Variants in CEPT1 observed in about 807,000 individuals in gnomAD.
The protein encoded by CEPT1 is choline/ethanolaminephosphotransferase 1.
Under a neutral mutation model 42.6 loss-of-function variants are expected in CEPT1, and 7 were observed. The observed-to-expected ratio is 0.16, with a 90% CI of 0.09 to 0.31. The LOEUF (loss-of-function observed/expected upper bound fraction) is 0.31. Ranked by LOEUF, CEPT1 falls within the 10% of genes least tolerant of loss-of-function variation. The pLI, the probability that CEPT1 is intolerant of heterozygous loss-of-function variation, is 1.00. For synonymous variants in CEPT1, 171 were observed against 171.9 expected (o/e 0.99, Z 0.04); for missense variants, 306 against 502.1 (o/e 0.61, Z 3.73).
intron 3 of CEPT1, 105 bp downstream of exon 3, chr1:111,159,632 T>A (rs1655769217): frequency 4.7e-6 from 4 of 853,648 alleles, no homozygotes; most frequent in Non-Finnish European, 6.8e-6. Flanking sequence ...TAATTTTGTA[T>A]TAAATTTTAG....
intron 2 of CEPT1, among the ~76,000 whole-genome samples, chr1:111,152,416 C>T (rs111663922): frequency 1.3e-5 from 2 of 152,270 alleles, no homozygotes; most frequent in African/African-American, 4.8e-5. Flanking sequence ...GCCTTTCCTT[C>T]CTACCCCTCA....
chr1:111,145,202 G>A (rs1428557123), intron 1 of CEPT1, among the ~76,000 whole-genome samples: 1 of 152,094 alleles, frequency 6.6e-6, no homozygotes, highest in African/African-American at 2.4e-5. Flanking sequence ...TTTTAGTAGA[G>A]ACGGGGTTTC....
At chr1:111,158,399 A>G (rs1343656772) in intron 2 of CEPT1, among the ~76,000 whole-genome samples, 1 of 152,110 alleles carries the variant, frequency 6.6e-6, no homozygotes, top group African/African-American at 2.4e-5. Flanking sequence ...CAGCAGTTCA[A>G]TTTCTGTTTG....
In CEPT1 at chr1:111,147,772, G is replaced by T; in HGVS notation, c.58G>T (p.Val20Leu). Residue 20 changes from valine (V) to leucine (L), a missense_variant, in exon 2 of 9, where the codon GTG (valine) becomes TTG (leucine). Val to Leu is a conservative substitution (Grantham distance 32, BLOSUM62 1). This residue lies in a region of CEPT1 where 53 missense variants were observed against 54.8 expected (regional missense o/e 0.97). Transcript: ENST00000357172. ...RCGDSHPESPVGFGHMSTTGC... is the reference protein window; with the variant it reads ...RCGDSHPESPLGFGHMSTTGC... ...TGGAGATTCTCACCCGGAGTCCCCA[G>T]TGGGCTTCGGGCATATGAGTACTAC... 6.2e-7 allele frequency: 1 copy of T among 1,614,114 alleles called. No individual in the cohort carries two copies. The highest frequency in any genetic ancestry group is 2.2e-5 in the East Asian group (1 of 44,874).
rs532161651 is a variant in CEPT1, at chr1:111,177,751, C to T, written c.714+2788C>T. ...AATTATATGTTTTATCTGAGGAACT[C>T]TCAGATTCACATCTGAAATGGAGTT... On this transcript the variant is annotated intron_variant, in intron 5 of 8. Coordinates refer to ENST00000357172, the MANE Select transcript of CEPT1 (RefSeq NM_006090.5). Among the ~76,000 whole-genome samples, 19 of 152,206 alleles carry T rather than the reference C, an allele frequency of 1.2e-4. No individual in the cohort carries two copies. The South Asian group carries it at 3.9e-3, about 32-fold the overall frequency.
chr1:111,178,732 G>A (rs2296380), intron 5 of CEPT1: 1 of 151,934 alleles, frequency 6.6e-6, no homozygotes, highest in Non-Finnish European at 1.5e-5. Flanking sequence ...TGATCAAATT[G>A]TATTAAGCCA....
At chr1:111,148,254 C>A (rs962080303) in intron 2 of CEPT1, among the ~76,000 whole-genome samples, 1 of 152,058 alleles carries the variant, frequency 6.6e-6, no homozygotes, top group Non-Finnish European at 1.5e-5. Flanking sequence ...AGACTGTGAT[C>A]CTAGTGCTTA....
chr1:111,168,473 G>T (rs1340609238), intron 4 of CEPT1, among the ~76,000 whole-genome samples: 8 of 149,632 alleles, frequency 5.3e-5, no homozygotes, highest in Non-Finnish European at 3.0e-5. Context: ...TGAATTCCTT[G>T]TTGGCCAAGT....
intron 2 of CEPT1, among the ~76,000 whole-genome samples, chr1:111,151,903 A>G (rs546532395): frequency 3.0e-4 from 46 of 152,338 alleles, no homozygotes; most frequent in Admixed American, 1.2e-3. Context: ...TCAGGTTGGA[A>G]AGTAAACCAA....
chr1:111,167,162 C>T lies in CEPT1; in HGVS notation c.629+5866C>T, dbSNP rs750424855. 5.6e-4 allele frequency: 548 copies of T among 984,934 alleles called. 1 individual carries two copies. Among genetic ancestry groups the T allele is most frequent in the Non-Finnish European group, 6.2e-4 (516 of 829,676 alleles). The allele number at this position is 984,934 out of a possible 1,614,324, so 61.0% of individuals were successfully genotyped here. A position where few individuals can be genotyped will look rare whatever the true frequency, so the allele number is the denominator to read the frequency against. ...ATAATATGCCAGCTTCTCACAGGAA[C>T]CCTGGGGCCTTGGTTCTGGAACTTC... On this transcript the variant is annotated intron_variant, in intron 4 of 8. Transcript: ENST00000357172.
At chr1:111,146,439 C>G (rs1477466727) in intron 1 of CEPT1, among the ~76,000 whole-genome samples, 1 of 152,110 alleles carries the variant, frequency 6.6e-6, no homozygotes, top group Non-Finnish European at 1.5e-5. Flanking sequence ...TAATCTCTAG[C>G]TGTTGACTCT....
At position 111,147,633 on chromosome 1, in the gene CEPT1, A is replaced by G. The variant is rs539534516; in HGVS notation, c.-73-9A>G. The G allele has an allele frequency of 2.0e-5, 18 of 893,158 alleles. No homozygotes were observed. The South Asian group carries it at 3.9e-4, about 19-fold the overall frequency. 55.3% of individuals were successfully genotyped at this position (893,158 alleles called of 1,614,324 possible). On this transcript the variant is annotated splice_polypyrimidine_tract_variant and intron_variant, in intron 1 of 8. Transcript: ENST00000357172. ...TATTTTTTAATTTTTATTTTATTTT[A>G]TTTTTTAGGTAAGCACCAGCCACAA...
intron 4 of CEPT1, among the ~76,000 whole-genome samples, chr1:111,161,757 C>T (rs676714): frequency 0.051 from 7,690 of 152,190 alleles, 239 homozygotes; most frequent in East Asian, 0.15. Flanking sequence ...GTTTATGTTT[C>T]GTTGGTTATT....
intron 2 of CEPT1, among the ~76,000 whole-genome samples, chr1:111,156,043 T>A (rs1359864273): frequency 6.6e-6 from 1 of 152,258 alleles, no homozygotes; most frequent in African/African-American, 2.4e-5. Flanking sequence ...TTTATTTTGC[T>A]TTATTCTTTC....
chr1:111,171,499 C>T (rs761997512), intron 4 of CEPT1, among the ~76,000 whole-genome samples: 7 of 152,152 alleles, frequency 4.6e-5, no homozygotes, highest in African/African-American at 9.7e-5. Flanking sequence ...TTATTACGGG[C>T]GTTGAAGGTT....
At chr1:111,144,543 C>T (rs557856851) in intron 1 of CEPT1, among the ~76,000 whole-genome samples, 2 of 152,268 alleles carry the variant, frequency 1.3e-5, no homozygotes, top group South Asian at 2.1e-4. Flanking sequence ...CAATCTAGGT[C>T]GCAGAGGGGA....
intron 1 of CEPT1, among the ~76,000 whole-genome samples, chr1:111,141,639 CTT>C (rs1654581056): frequency 6.6e-6 from 1 of 151,988 alleles, no homozygotes; most frequent in African/African-American, 2.4e-5. Flanking sequence ...GTGATTTCCT[CTT>C]TTAAGGAGTG....
intron 1 of CEPT1, among the ~76,000 whole-genome samples, chr1:111,144,548 A>G (rs537521782): frequency 6.6e-6 from 1 of 152,324 alleles, no homozygotes; most frequent in Admixed American, 6.5e-5. Context: ...TAGGTCGCAG[A>G]GGGGAAAAAC....
chr1:111,184,351 A>G lies in CEPT1; in HGVS notation c.*41A>G, dbSNP rs538758628. 2.6e-6 allele frequency: 4 copies of G among 1,527,666 alleles called. No individual in the cohort carries two copies. In the South Asian group the frequency reaches 4.7e-5, roughly 18 times the overall value. The allele number at this position is 1,527,666 out of a possible 1,614,324, so 94.6% of individuals were successfully genotyped here. On this transcript the variant is annotated 3_prime_UTR_variant, in exon 9 of 9. Coordinates refer to ENST00000357172, the MANE Select transcript of CEPT1 (RefSeq NM_006090.5). ...ATAGGAACATCATGTTTTCTGCAGG[A>G]AAGAAAGTAACATATTAAGGAGAAT...
Sources: allele counts gnomAD v4.1 joint callset (sites outside exome capture counted in the v4.1 genomes callset), GRCh38; gene constraint gnomAD v4.1.1; regional missense constraint gnomAD v4.1.1; transcripts MANE v1.5; gene names NCBI Gene and HGNC (gene_info 2026-07-23, HGNC 2026-07-21).